The following CPT1A variants were observed in gnomAD, a reference collection of about 807,000 sequenced individuals.
The protein encoded by CPT1A is carnitine palmitoyltransferase 1A.
A neutral mutation model predicts 100.8 loss-of-function variants in CPT1A; 64 were observed. The ratio of observed to expected loss-of-function variants is 0.63; its 90% CI spans 0.52 to 0.78. The LOEUF (loss-of-function observed/expected upper bound fraction) is 0.78, where lower values mean the gene tolerates loss of function less well. Ranked by LOEUF, CPT1A falls within the 30% of genes least tolerant of loss-of-function variation. The pLI is 0.00. For missense variants in CPT1A, 802 were observed against 1,034.1 expected, an observed-to-expected ratio of 0.78 and a Z score of 3.08; for synonymous variants, 363 against 396.0, an observed-to-expected ratio of 0.92 and a Z score of 0.99.
chr11:68,838,580 A>AC (rs1857076360), intron 1 of CPT1A, among the ~76,000 whole-genome samples: 1 of 145,036 alleles, frequency 6.9e-6, no homozygotes, highest in African/African-American at 2.5e-5. Flanking sequence ...TTTAAAAAAA[A>AC]AAAAAAAAAA....
intron 1 of CPT1A, among the ~76,000 whole-genome samples, chr11:68,839,143 C>A (rs995647548): frequency 2.0e-5 from 3 of 152,174 alleles, no homozygotes; most frequent in Non-Finnish European, 4.4e-5. Context: ...AATAACCATG[C>A]AGAGTGACTA....
intron 12 of CPT1A, among the ~76,000 whole-genome samples, chr11:68,776,052 A>G (rs1439605106): frequency 1.3e-5 from 2 of 152,224 alleles, no homozygotes; most frequent in Non-Finnish European, 2.9e-5. Context: ...CTAGAAAGGA[A>G]TGAATTCCAG....
intron 4 of CPT1A, among the ~76,000 whole-genome samples, chr11:68,806,252 C>T (rs1425231255): frequency 6.6e-6 from 1 of 152,080 alleles, no homozygotes; most frequent in Non-Finnish European, 1.5e-5. Flanking sequence ...TGGTCTCAAA[C>T]TCCTGAGCTC....
Position 68,796,877 on chromosome 11 carries a change from C to T in CPT1A, c.750G>A (p.Val250=). 6.2e-7 allele frequency: 1 copy of T among 1,614,104 alleles called. No individual in the cohort carries two copies. Among genetic ancestry groups the T allele is most frequent in the Non-Finnish European group, 8.5e-7 (1 of 1,179,994 alleles). The change falls in exon 7 of 19, where the codon GTG becomes GTA. Residue 250 remains valine (V), a synonymous_variant. Transcript: ENST00000265641. ...IYLRGRGPLM[V]NSNYYAMDLL... ...TCACCATGGCATAATAGTTGCTGTT[C>T]ACCATGAGCGGCCCTCGTCCTCGGA...
chr11:68,768,370 C>A (rs1448806207), intron 14 of CPT1A, among the ~76,000 whole-genome samples: 5 of 151,208 alleles, frequency 3.3e-5, no homozygotes, highest in African/African-American at 4.9e-5. Context: ...CCACTGTGCC[C>A]GGCCTGCCAG....
intron 1 of CPT1A, among the ~76,000 whole-genome samples, chr11:68,817,741 A>G (rs1338437898): frequency 3.3e-4 from 33 of 99,176 alleles, no homozygotes; most frequent in Non-Finnish European, 5.6e-4. Context: ...GGGGTCAAGG[A>G]CAGGCTGTTG....
At chr11:68,803,977 T>C in intron 5 of CPT1A, 23 bp downstream of exon 5, 1 of 1,563,636 alleles carries the variant, frequency 6.4e-7, no homozygotes, top group Non-Finnish European at 8.8e-7. Context: ...GGCATTTCAG[T>C]GTGAGGCCTA....
rs1249777003 is a variant in CPT1A at position 68,762,765 on chromosome 11, G to C, written c.1741-4C>G. 1.5e-5 allele frequency: 24 copies of C among 1,614,066 alleles called. No homozygotes were observed. Among genetic ancestry groups the C allele is most frequent in the Non-Finnish European group, 2.0e-5 (24 of 1,180,054 alleles). ...TGAGGCAAAACTTGCCCATGTCCTG[G>C]GGAAAGAGAAGTACTTCAGTGCACG... On this transcript the variant is annotated splice_polypyrimidine_tract_variant and splice_region_variant and intron_variant, in intron 14 of 18. Transcript: ENST00000265641.
intron 14 of CPT1A, among the ~76,000 whole-genome samples, chr11:68,770,862 G>A (rs1365441004): frequency 6.6e-6 from 1 of 152,184 alleles, no homozygotes; most frequent in Non-Finnish European, 1.5e-5. Context: ...ACAGTGATGA[G>A]AGCCACAGGT....
intron 1 of CPT1A, among the ~76,000 whole-genome samples, chr11:68,840,419 T>C (rs1857130505): frequency 6.6e-6 from 1 of 152,220 alleles, no homozygotes. Context: ...ACCGGACACC[T>C]GTGGAAGAAA....
chr11:68,796,285 G>A (rs950871640), intron 7 of CPT1A, among the ~76,000 whole-genome samples: 2 of 151,576 alleles, frequency 1.3e-5, no homozygotes, highest in African/African-American at 2.4e-5. Flanking sequence ...GGCCGGGCAC[G>A]GTGGCTCACA....
chr11:68,838,012 C>G (rs888929152), intron 1 of CPT1A, among the ~76,000 whole-genome samples: 10 of 152,110 alleles, frequency 6.6e-5, no homozygotes, highest in Non-Finnish European at 1.0e-4. Flanking sequence ...GGCTGGCTCT[C>G]CGGCTCCTGG....
At chr11:68,770,867 A>G (rs1854967842) in intron 14 of CPT1A, among the ~76,000 whole-genome samples, 1 of 152,220 alleles carries the variant, frequency 6.6e-6, no homozygotes, top group African/African-American at 2.4e-5. Context: ...GATGAGAGCC[A>G]CAGGTTCTCG....
chr11:68,803,508 C>T (rs943685486), intron 5 of CPT1A, among the ~76,000 whole-genome samples: 22 of 151,960 alleles, frequency 1.4e-4, no homozygotes, highest in African/African-American at 4.6e-4. Flanking sequence ...GTCAGGAGTT[C>T]GAGACCAGCC....
intron 10 of CPT1A, among the ~76,000 whole-genome samples, chr11:68,782,389 T>C (rs1253072969): frequency 6.6e-6 from 1 of 152,178 alleles, no homozygotes; most frequent in Non-Finnish European, 1.5e-5. Context: ...CCAAACCTTT[T>C]CTGTGTACCA....
rs1460468983 is a variant in CPT1A at position 68,816,729 on chromosome 11, A to G, written c.-13-1242T>C. Among the ~76,000 whole-genome samples the G allele has an allele frequency of 3.3e-5, 5 of 149,920 alleles. No homozygotes were observed. In the South Asian group the frequency reaches 1.1e-3, roughly 32 times the overall value. On this transcript the variant is annotated intron_variant, in intron 1 of 18. Coordinates refer to ENST00000265641, the MANE Select transcript of CPT1A (RefSeq NM_001876.4). ...AGAAGCTAAGAGGAAAAAACTTTCAAGGACCATAATAAAAATCCAAAAACT... is the reference window on the plus strand; with the variant it reads ...AGAAGCTAAGAGGAAAAAACTTTCAGGGACCATAATAAAAATCCAAAAACT...
At chr11:68,762,569 GA>G in intron 15 of CPT1A, 57 bp downstream of exon 15, 1 of 1,605,298 alleles carries the variant, frequency 6.2e-7, no homozygotes, top group African/African-American at 1.3e-5. Flanking sequence ...ATGGCCTCCA[GA>G]AGCCTTTTAG....
intron 1 of CPT1A, among the ~76,000 whole-genome samples, chr11:68,831,284 C>A (rs115546643): frequency 6.6e-6 from 1 of 152,198 alleles, no homozygotes; most frequent in South Asian, 2.1e-4. Context: ...CCTGCACCCC[C>A]AGTCCTGCAG....
chr11:68,773,132 A>G, intron 14 of CPT1A, 133 bp downstream of exon 14: 1 of 1,490,622 alleles, frequency 6.7e-7, no homozygotes, highest in East Asian at 2.5e-5. Context: ...GCCCCCGGAG[A>G]CCGGGGTCGG....
Sources: gnomAD v4.1 joint callset for allele counts (sites outside exome capture counted in the v4.1 genomes callset) on GRCh38, gnomAD v4.1.1 for gene constraint, MANE v1.5 for transcripts, NCBI Gene and HGNC (gene_info 2026-07-23, HGNC 2026-07-21) for gene names.